Variants in SLC38A1 observed in about 807,000 individuals in gnomAD.
SLC38A1 encodes solute carrier family 38 member 1.
In SLC38A1, 18 loss-of-function variants were observed where a neutral mutation model predicts 60.3. That is an observed-to-expected ratio of 0.30 (90% CI 0.21 to 0.44). SLC38A1 has a LOEUF of 0.44. Among genes scored for constraint, SLC38A1 ranks in the 20% least tolerant of loss-of-function variants. The pLI is 1.00. For missense variants in SLC38A1, 448 were observed against 587.2 expected (o/e 0.76, Z 2.45); for synonymous variants, 196 against 212.1 (o/e 0.92, Z 0.66).
At chr12:46,258,112 G>A (rs1036876706) in intron 1 of SLC38A1, among the ~76,000 whole-genome samples, 4 of 152,206 alleles carry the variant, frequency 2.6e-5, no homozygotes, top group African/African-American at 7.2e-5. Flanking sequence ...TAGCAGTGAG[G>A]ACGACCAGAG....
Position 46,239,977 on chromosome 12 carries a change from T to C in SLC38A1, c.-93-84A>G, listed in dbSNP as rs905562274. 1.3e-4 allele frequency: 73 copies of C among 583,512 alleles called. 2 individuals carry two copies. In the South Asian group the frequency reaches 1.5e-3, roughly 12 times the overall value. 36.1% of individuals were successfully genotyped at this position (583,512 alleles called of 1,614,324 possible). On this transcript the variant is annotated intron_variant, in intron 2 of 16. Coordinates refer to ENST00000398637, the MANE Select transcript of SLC38A1 (RefSeq NM_030674.4). ...AAATTACCACAAATAAACAAGTAGT[T>C]AATTTACTGATTATACAATTTTACA...
chr12:46,242,628 CA>C (rs915780107), intron 2 of SLC38A1, among the ~76,000 whole-genome samples: 7 of 151,992 alleles, frequency 4.6e-5, no homozygotes, highest in Non-Finnish European at 1.0e-4. Flanking sequence ...AAAAACAAAA[CA>C]ACAACAAAAA....
intron 1 of SLC38A1, among the ~76,000 whole-genome samples, chr12:46,262,835 C>A (rs1029124094): frequency 2.0e-5 from 3 of 152,154 alleles, no homozygotes; most frequent in Admixed American, 6.5e-5. Flanking sequence ...TAATTCAATA[C>A]CAGATGATGG....
Position 46,189,033 on chromosome 12 carries a change from C to A in SLC38A1, c.1401G>T (p.Leu467Phe). 1 of 1,613,544 alleles carries A rather than the reference C, an allele frequency of 6.2e-7. No homozygotes were observed. The highest frequency in any genetic ancestry group is 8.5e-7 in the Non-Finnish European group (1 of 1,179,772). Reference sequence around the variant, plus strand: ...CATAGATGACCAAGGGAATGCTGACCAAGGAGAACAACACCCCCAGGCCCA... The same window carrying A: ...CATAGATGACCAAGGGAATGCTGACAAAGGAGAACAACACCCCCAGGCCCA... ...LFLGLGVLFS[L>F]VSIPLVIYDW... The change falls in exon 17 of 17, where the codon TTG becomes TTT. Residue 467 changes from leucine (L) to phenylalanine (F), a missense_variant. Leu to Phe is a conservative substitution (Grantham distance 22). This residue lies in a region of SLC38A1 where 346 missense variants were observed against 497.5 expected (regional missense o/e 0.70). Coordinates refer to ENST00000398637, the MANE Select transcript of SLC38A1 (RefSeq NM_030674.4).
At chr12:46,241,826 A>G (rs1941459109) in intron 2 of SLC38A1, among the ~76,000 whole-genome samples, 1 of 152,216 alleles carries the variant, frequency 6.6e-6, no homozygotes, top group Non-Finnish European at 1.5e-5. Flanking sequence ...TTGTGTGACT[A>G]CATCCCAGGC....
At chr12:46,243,452 G>C (rs1032630456) in intron 1 of SLC38A1, 138 bp from the exon 2 acceptor site, 10 of 152,086 alleles carry the variant, frequency 6.6e-5, no homozygotes, top group African/African-American at 2.4e-4. Context: ...ATGTCAGTAA[G>C]CACAGGTCTA....
chr12:46,224,678 G>A (rs1940797131), intron 5 of SLC38A1, among the ~76,000 whole-genome samples: 1 of 152,224 alleles, frequency 6.6e-6, no homozygotes, highest in South Asian at 2.1e-4. Context: ...AGCAGTTGTA[G>A]GAGCAGCTGG....
intron 1 of SLC38A1, among the ~76,000 whole-genome samples, chr12:46,255,449 T>C (rs1941988977): frequency 6.6e-6 from 1 of 152,238 alleles, no homozygotes; most frequent in South Asian, 2.1e-4. Flanking sequence ...AATCCTTTTT[T>C]ACAAGATTAG....
At chr12:46,225,663 C>T (rs957164398) in intron 5 of SLC38A1, among the ~76,000 whole-genome samples, 9 of 152,164 alleles carry the variant, frequency 5.9e-5, no homozygotes, top group African/African-American at 1.9e-4. Flanking sequence ...TAAATAGCAT[C>T]TTAAGTGAAG....
In SLC38A1 at chr12:46,229,562, A is replaced by G; in HGVS notation, c.198+2T>C. The stretch of plus-strand genomic sequence containing the variant: ...AGCATACTTCATTATAATGATACTT[A>G]CATACTCATCACACTTCTTTTTTTC... On this transcript the variant is annotated splice_donor_variant, in intron 4 of 16. Transcript: ENST00000398637. LOFTEE classifies it high-confidence loss of function. The G allele has an allele frequency of 6.2e-7, 1 of 1,600,228 alleles. No individual in the cohort carries two copies. The highest frequency in any genetic ancestry group is 8.6e-7 in the Non-Finnish European group (1 of 1,167,644).
chr12:46,227,863 G>A (rs953670920), intron 5 of SLC38A1, among the ~76,000 whole-genome samples: 1 of 152,128 alleles, frequency 6.6e-6, no homozygotes, highest in African/African-American at 2.4e-5. Context: ...AAGAGGAGTT[G>A]GGAGTAGCGC....
chr12:46,244,341 T>G (rs977928250), intron 1 of SLC38A1, among the ~76,000 whole-genome samples: 1 of 152,210 alleles, frequency 6.6e-6, no homozygotes, highest in Non-Finnish European at 1.5e-5. Context: ...GCAGCCTAAT[T>G]GCTAACACTT....
At chr12:46,259,637 A>C (rs975958272) in intron 1 of SLC38A1, among the ~76,000 whole-genome samples, 13 of 152,206 alleles carry the variant, frequency 8.5e-5, no homozygotes, top group Non-Finnish European at 2.9e-5. Context: ...GAATAATAAA[A>C]ATGGCCTTTG....
rs1419668541 is a variant in SLC38A1, at chr12:46,185,278, C to A, written c.*3692G>T. ...TGGTCTAGGGGCCACACTTTGAGAA[C>A]CACTGGCTTAGAGGCATGAATCAAG... On this transcript the variant is annotated 3_prime_UTR_variant, in exon 17 of 17. Transcript: ENST00000398637. 6.6e-6 allele frequency: 1 copy of A among 151,856 alleles called. No individual in the cohort carries two copies. The highest frequency in any genetic ancestry group is 2.4e-5 in the African/African-American group (1 of 41,142). The allele number at this position is 151,856 out of a possible 1,614,324, so 9.4% of individuals were successfully genotyped here.
rs1336473383 is a variant in SLC38A1 at position 46,248,213 on chromosome 12, A to G, written c.-208-4899T>C. 3.3e-5 allele frequency among the ~76,000 whole-genome samples: 5 copies of G among 152,342 alleles called. No homozygotes were observed. In the East Asian group the frequency reaches 7.7e-4, roughly 23 times the overall value. ...TTAACCTTACATGTAAATGGGCTAA[A>G]TGCCCCAATTAAAAGACACAGACTG... On this transcript the variant is annotated intron_variant, in intron 1 of 16. Coordinates refer to ENST00000398637, the MANE Select transcript of SLC38A1 (RefSeq NM_030674.4).
In SLC38A1 at chr12:46,186,777, T is replaced by C. The variant is rs1407911839; in HGVS notation, c.*2193A>G. 6.6e-6 allele frequency: 1 copy of C among 152,186 alleles called. No homozygotes were observed. The highest frequency in any genetic ancestry group is 1.5e-5 in the Non-Finnish European group (1 of 68,032). 9.4% of individuals were successfully genotyped at this position (152,186 alleles called of 1,614,324 possible). On this transcript the variant is annotated 3_prime_UTR_variant, in exon 17 of 17. Coordinates refer to ENST00000398637, the MANE Select transcript of SLC38A1 (RefSeq NM_030674.4). ...CCAAAAATATCACTACACATCCCAGTTAATGATAAGGTTCTAAATTGACTT... is the reference window on the plus strand; with the variant it reads ...CCAAAAATATCACTACACATCCCAGCTAATGATAAGGTTCTAAATTGACTT...
rs777636885 is a variant in SLC38A1 at position 46,209,018 on chromosome 12, C to G, written c.388+36G>C. 8.3e-6 allele frequency: 12 copies of G among 1,444,918 alleles called. No individual in the cohort carries two copies. The Admixed American group carries it at 2.1e-4, about 25-fold the overall frequency. 89.5% of individuals were successfully genotyped at this position (1,444,918 alleles called of 1,614,324 possible). ...AATGCTACCATAAAAATAATTCACCCTGGTTTTAACAAAATCAAACACGTC... is the reference window on the plus strand; with the variant it reads ...AATGCTACCATAAAAATAATTCACCGTGGTTTTAACAAAATCAAACACGTC... On this transcript the variant is annotated intron_variant, in intron 6 of 16. Transcript: ENST00000398637.
At chr12:46,219,948 C>T (rs1012230515) in intron 5 of SLC38A1, among the ~76,000 whole-genome samples, 3 of 152,184 alleles carry the variant, frequency 2.0e-5, no homozygotes, top group African/African-American at 4.8e-5. Context: ...AGCGCATGTG[C>T]GCGCACACAC....
At chr12:46,210,644 G>C (rs180812010) in intron 5 of SLC38A1, among the ~76,000 whole-genome samples, 1 of 152,094 alleles carries the variant, frequency 6.6e-6, no homozygotes, top group East Asian at 1.9e-4. Flanking sequence ...AATCATGGGG[G>C]CAGTTCTCTC....
Sources: allele counts gnomAD v4.1 joint callset (sites outside exome capture counted in the v4.1 genomes callset), GRCh38; gene constraint gnomAD v4.1.1; regional missense constraint gnomAD v4.1.1; transcripts MANE v1.5; gene names NCBI Gene and HGNC (gene_info 2026-07-23, HGNC 2026-07-21).